ARAP2: variants seen among roughly 807,000 people sequenced by gnomAD.
ARAP2 encodes the protein arf-GAP with Rho-GAP domain, ANK repeat and PH domain-containing protein 2.
Under a neutral mutation model 194.5 loss-of-function variants are expected in ARAP2, and 148 were observed. That is an observed-to-expected ratio of 0.76 (90% confidence interval 0.67 to 0.87). The LOEUF is 0.87. ARAP2 is among the 40% of genes least tolerant of loss of function. The pLI is 0.00. For synonymous variants in ARAP2, 695 were observed against 683.5 expected, an observed-to-expected ratio of 1.02 and a Z score of -0.26; for missense variants, 2,128 against 1,989.7, an observed-to-expected ratio of 1.07 and a Z score of -1.32.
chr4:36,114,556 T>G (rs1319997570), intron 25 of ARAP2, among the ~76,000 whole-genome samples: 1 of 152,042 alleles, frequency 6.6e-6, no homozygotes, highest in Non-Finnish European at 1.5e-5. Flanking sequence ...AAGGAAAGAA[T>G]GTACCTAATT....
intron 32 of ARAP2, among the ~76,000 whole-genome samples, chr4:36,073,271 C>T (rs1357973017): frequency 6.6e-6 from 1 of 151,996 alleles, no homozygotes; most frequent in African/African-American, 2.4e-5. Context: ...AACTGAGAGA[C>T]CCCATCAGTT....
rs1488205393 is a variant in ARAP2 at position 36,066,216 on chromosome 4, C to A, written c.*1691G>T. ...GTCCAACATCACCAAATATTAATTT[C>A]CACATACCTCTTTATTTCATAAAAA... is the stretch of plus-strand genomic sequence containing the variant. On this transcript the variant is annotated 3_prime_UTR_variant, in exon 33 of 33. Coordinates refer to ENST00000303965, the MANE Select transcript of ARAP2 (RefSeq NM_015230.4). The A allele has an allele frequency of 6.6e-6, 1 of 152,112 alleles. No individual in the cohort carries two copies. The highest frequency in any genetic ancestry group is 1.5e-5 in the Non-Finnish European group (1 of 68,024). The allele number at this position is 152,112 out of a possible 1,614,324, so 9.4% of individuals were successfully genotyped here.
chr4:36,188,585 C>A (rs1262604875), intron 7 of ARAP2, among the ~76,000 whole-genome samples: 1 of 152,072 alleles, frequency 6.6e-6, no homozygotes, highest in South Asian at 2.1e-4. Context: ...AAGAGGACAA[C>A]AACATAGAGT....
chr4:36,024,690 A>T (rs916598989), intron 5 of ARAP2, among the ~76,000 whole-genome samples: 2 of 152,176 alleles, frequency 1.3e-5, no homozygotes, highest in African/African-American at 4.8e-5. Flanking sequence ...GTCTAAGAAA[A>T]CTAATTTGTC....
At chr4:36,195,322 T>C (rs1301880078) in intron 6 of ARAP2, among the ~76,000 whole-genome samples, 1 of 152,240 alleles carries the variant, frequency 6.6e-6, no homozygotes, top group Non-Finnish European at 1.5e-5. Flanking sequence ...TAGAGCCATC[T>C]GGTTTTTACT....
At chr4:36,070,844 A>T (rs976128511) in intron 32 of ARAP2, among the ~76,000 whole-genome samples, 14 of 152,234 alleles carry the variant, frequency 9.2e-5, no homozygotes, top group African/African-American at 3.4e-4. Context: ...TATTATTCAT[A>T]GTTTAAAGTA....
intron 9 of ARAP2, among the ~76,000 whole-genome samples, chr4:36,172,425 T>C (rs2109830245): frequency 6.6e-6 from 1 of 152,352 alleles, no homozygotes; most frequent in Non-Finnish European, 1.5e-5. Flanking sequence ...CACTTAATTC[T>C]TTCATTTGAG....
intron 13 of ARAP2, 149 bp from the exon 14 acceptor site, chr4:36,159,654 G>T: frequency 1.5e-6 from 1 of 646,888 alleles, no homozygotes; most frequent in Non-Finnish European, 2.2e-6. Context: ...CCATGAATTA[G>T]GCAATAGGCA....
At chr4:36,098,535 C>A (rs529131850) in intron 27 of ARAP2, among the ~76,000 whole-genome samples, 108 of 152,206 alleles carry the variant, frequency 7.1e-4, no homozygotes, top group African/African-American at 2.5e-3. Flanking sequence ...AGCCTACACT[C>A]CTCTTCCTGA....
intron 3 of ARAP2, among the ~76,000 whole-genome samples, chr4:36,049,924 C>G (rs1191863769): frequency 6.6e-6 from 1 of 152,046 alleles, no homozygotes; most frequent in Non-Finnish European, 1.5e-5. Context: ...TTAAAATAAT[C>G]TTAATGGAGA....
At chr4:36,193,545 A>G in intron 7 of ARAP2, 33 bp downstream of exon 7, 1 of 1,501,882 alleles carries the variant, frequency 6.7e-7, no homozygotes, top group Non-Finnish European at 9.0e-7. Context: ...ATGCATAAAA[A>G]AGCAATTTTT....
rs547844129 is a variant in ARAP2 at position 36,239,709 on chromosome 4, A to G, written c.-160+4470T>C. On this transcript the variant is annotated intron_variant, in intron 1 of 32. Transcript: ENST00000303965. ...ATCTGTTTCACAGCATTGTAAATAT[A>G]CTTAGCGTTACTGAACTATACACTT... Among the ~76,000 whole-genome samples, 10 of 152,340 alleles carry G rather than the reference A, an allele frequency of 6.6e-5. No individual in the cohort carries two copies. The East Asian group carries it at 1.5e-3, about 23-fold the overall frequency.
intron 8 of ARAP2, among the ~76,000 whole-genome samples, chr4:36,185,672 T>C (rs532643868): frequency 5.3e-5 from 8 of 152,156 alleles, no homozygotes; most frequent in East Asian, 3.9e-4. Flanking sequence ...AACACTCTTA[T>C]CTGTAAAAAT....
chr4:36,024,442 C>A lies in ARAP2; in HGVS notation n.608-5156G>T, dbSNP rs375856634. Among the ~76,000 whole-genome samples the A allele has an allele frequency of 6.6e-5, 10 of 152,042 alleles. No homozygotes were observed. The East Asian group carries it at 1.3e-3, about 20-fold the overall frequency. On this transcript the variant is annotated intron_variant and non_coding_transcript_variant, in intron 5 of 12. Transcript: ENST00000503225. ...ATAAGTCATTGACACATTCCACAAACAATGCTAGGTACTTTGTTCAGCTGA... is the reference window on the plus strand; with the variant it reads ...ATAAGTCATTGACACATTCCACAAAAAATGCTAGGTACTTTGTTCAGCTGA...
intron 27 of ARAP2, among the ~76,000 whole-genome samples, chr4:36,093,444 A>G (rs1714306073): frequency 1.3e-5 from 2 of 152,170 alleles, no homozygotes; most frequent in Admixed American, 6.6e-5. Context: ...TAAACATGCA[A>G]TAATTGCTAC....
At chr4:36,162,604 C>CTTTTTTTTT (rs3055949) in intron 11 of ARAP2, among the ~76,000 whole-genome samples, 1 of 142,576 alleles carries the variant, frequency 7.0e-6, no homozygotes, top group Non-Finnish European at 1.5e-5. Flanking sequence ...AAGTTCTTGT[C>CTTTTTTTTT]TTTTTTTTTT....
chr4:36,012,893 A>G (rs1714808109), intron 8 of ARAP2: 1 of 152,200 alleles, frequency 6.6e-6, no homozygotes, highest in African/African-American at 2.4e-5. Flanking sequence ...TCATCATGAG[A>G]AGGTGGCATT....
chr4:36,102,069 T>C (rs2109436047), intron 27 of ARAP2, among the ~76,000 whole-genome samples: 1 of 152,194 alleles, frequency 6.6e-6, no homozygotes, highest in African/African-American at 2.4e-5. Flanking sequence ...GTTGTATCTC[T>C]GATATTCTTA....
Position 36,228,842 on chromosome 4 carries a change from T to C in ARAP2, c.645A>G (p.Glu215=), listed in dbSNP as rs528502126. The part of the protein sequence containing the change: ...NLSKLPNADS[E]CLSFVGCSTS... ...TTGAACAGCCAACAAAAGAAAGGCA[T>C]TCAGAGTCTGCATTAGGGAGCTTAC... The change falls in exon 2 of 33, where the codon GAA becomes GAG. Residue 215 remains glutamate, a synonymous_variant. Transcript: ENST00000303965. 1 of 1,614,198 alleles carries C rather than the reference T, an allele frequency of 6.2e-7. No homozygotes were observed. Among genetic ancestry groups the C allele is most frequent in the East Asian group, 2.2e-5 (1 of 44,882 alleles).
Sources: allele counts gnomAD v4.1 joint callset (sites outside exome capture counted in the v4.1 genomes callset), GRCh38; gene constraint gnomAD v4.1.1; transcripts MANE v1.5; gene names NCBI Gene and HGNC (gene_info 2026-07-23, HGNC 2026-07-21).